TM7SF3: variants seen among roughly 807,000 people sequenced by gnomAD.
The protein encoded by TM7SF3 is transmembrane 7 superfamily member 3.
A neutral mutation model predicts 65.5 loss-of-function variants in TM7SF3; 60 were observed. The ratio of observed to expected loss-of-function variants is 0.92; its 90% CI spans 0.74 to 1.14. The LOEUF is 1.14. TM7SF3 is among the 50% of genes most tolerant of loss of function. The probability of loss-of-function intolerance (pLI) is 0.00; values close to 1 mark genes in which losing one functional copy is unlikely to be tolerated. For missense variants in TM7SF3, 623 were observed against 684.8 expected (o/e 0.91, Z 1.01); for synonymous variants, 264 against 259.6 (o/e 1.02, Z -0.16).
At chr12:27,010,637 T>C (rs1941209931) in intron 1 of TM7SF3, among the ~76,000 whole-genome samples, 1 of 152,222 alleles carries the variant, frequency 6.6e-6, no homozygotes, top group Non-Finnish European at 1.5e-5. Context: ...CATAATTATA[T>C]CTTATGACTT....
intron 1 of TM7SF3, among the ~76,000 whole-genome samples, chr12:27,008,279 T>C (rs1392781528): frequency 2.0e-5 from 3 of 152,190 alleles, no homozygotes; most frequent in African/African-American, 7.2e-5. Context: ...CGCACTTCCC[T>C]AATTACTCAT....
At position 27,014,336 on chromosome 12, in the gene TM7SF3, GCC is replaced by G; in HGVS notation, c.-170_-169del. 1 of 411,650 alleles carries G rather than the reference GCC, an allele frequency of 2.4e-6. No individual in the cohort carries two copies. Among genetic ancestry groups the G allele is most frequent in the Non-Finnish European group, 4.1e-6 (1 of 243,722 alleles). The allele number at this position is 411,650 out of a possible 1,614,324, so 25.5% of individuals were successfully genotyped here. On this transcript the variant is annotated 5_prime_UTR_variant, in exon 1 of 12. Transcript: ENST00000343028. ...GCCAGCTCCGCAGCCGCCGGCGCGCGCCCCGCCGAACTCCTAGCCCCAGCGAG... is the reference window on the plus strand; with the variant it reads ...GCCAGCTCCGCAGCCGCCGGCGCGCGCCGCCGAACTCCTAGCCCCAGCGAG...
chr12:26,985,514 A>G (rs1435139311), intron 6 of TM7SF3, among the ~76,000 whole-genome samples: 5 of 149,246 alleles, frequency 3.4e-5, no homozygotes, highest in Non-Finnish European at 5.9e-5. Context: ...AATCCCAGAT[A>G]CTCTGGAGGC....
In TM7SF3 at chr12:26,973,877, A is replaced by C. The variant is rs141784463; in HGVS notation, c.*88T>G. ...TGCAAAGAACAGATATATATGCCTG[A>C]TCTCTTATTAGACTTGCACCAGAGA... On this transcript the variant is annotated 3_prime_UTR_variant, in exon 12 of 12. Transcript: ENST00000343028. 6.7e-7 allele frequency: 1 copy of C among 1,486,816 alleles called. No individual in the cohort carries two copies. The highest frequency in any genetic ancestry group is 2.3e-5 in the East Asian group (1 of 44,230). 92.1% of individuals were successfully genotyped at this position (1,486,816 alleles called of 1,614,324 possible).
rs1939466625 is a variant in TM7SF3, at chr12:26,974,055, C to T, written c.1623G>A (p.Leu541=). The T allele has an allele frequency of 3.7e-6, 6 of 1,614,168 alleles. No homozygotes were observed. Among genetic ancestry groups the T allele is most frequent in the Middle Eastern group, 3.3e-4 (2 of 6,062 alleles). The change falls in exon 12 of 12, where the codon TTG becomes TTA. Residue 541 remains leucine, a synonymous_variant. Coordinates refer to ENST00000343028, the MANE Select transcript of TM7SF3 (RefSeq NM_016551.3). ...ILDPSYHIPP[L]RERLYGRLTQ... ...TTAATCGGCCATAGAGCCTCTCTCTCAATGGAGGAATGTGGTAGCTAGGGT... is the reference window on the plus strand; with the variant it reads ...TTAATCGGCCATAGAGCCTCTCTCTTAATGGAGGAATGTGGTAGCTAGGGT...
chr12:26,974,371 A>C (rs1464876376), intron 11 of TM7SF3, 144 bp from the exon 12 acceptor site: 1 of 853,950 alleles, frequency 1.2e-6, no homozygotes, highest in Non-Finnish European at 1.7e-6. Flanking sequence ...GTAGTTCCTC[A>C]GTTACAAACC....
intron 6 of TM7SF3, among the ~76,000 whole-genome samples, chr12:26,985,638 A>T (rs1592281697): frequency 3.7e-5 from 2 of 53,394 alleles, no homozygotes; most frequent in Admixed American, 2.1e-4. Context: ...AAAAAAAAAA[A>T]AAAAAAAAAA....
intron 7 of TM7SF3, among the ~76,000 whole-genome samples, chr12:26,981,246 T>A (rs1285587663): frequency 4.6e-5 from 7 of 152,238 alleles, no homozygotes; most frequent in Non-Finnish European, 8.8e-5. Flanking sequence ...GCTCTACCTA[T>A]TTTCTTAAAT....
chr12:27,007,544 A>AG (rs1351711169), intron 1 of TM7SF3, among the ~76,000 whole-genome samples: 16 of 152,228 alleles, frequency 1.1e-4, no homozygotes, highest in Non-Finnish European at 2.1e-4. Flanking sequence ...TAAAAAAAAA[A>AG]CAGAACACTG....
rs1234660886 is a variant in TM7SF3 at position 26,973,136 on chromosome 12, T to G, written c.*829A>C. The G allele has an allele frequency of 6.6e-6, 1 of 151,530 alleles. No homozygotes were observed. Among genetic ancestry groups the G allele is most frequent in the Non-Finnish European group, 1.5e-5 (1 of 67,932 alleles). 9.4% of individuals were successfully genotyped at this position (151,530 alleles called of 1,614,324 possible). ...ATAATGTATGATACTAAGAAGGGCA[T>G]GCAACTAAGTAATCAGACTGCTTTT... On this transcript the variant is annotated 3_prime_UTR_variant, in exon 12 of 12. Coordinates refer to ENST00000343028, the MANE Select transcript of TM7SF3 (RefSeq NM_016551.3).
At chr12:27,004,853 T>C (rs965313307) in intron 1 of TM7SF3, among the ~76,000 whole-genome samples, 2 of 152,150 alleles carry the variant, frequency 1.3e-5, no homozygotes, top group Admixed American at 6.5e-5. Context: ...CAAATGAAGA[T>C]AGCATATTTC....
At chr12:26,990,369 G>T in intron 6 of TM7SF3, 81 bp downstream of exon 6, 1 of 1,057,882 alleles carries the variant, frequency 9.5e-7, no homozygotes, top group Non-Finnish European at 1.4e-6. Context: ...AAAGGTATGT[G>T]TTGAATGAAT....
rs1340267032 is a variant in TM7SF3, at chr12:26,973,062, C to G, written c.*903G>C. On this transcript the variant is annotated 3_prime_UTR_variant, in exon 12 of 12. Transcript: ENST00000343028. ...AAATTTCATGTGTATTTTATCACAA[C>G]TTAAAAATTTTAAAAAATACTGAAA... 1 of 150,524 alleles carries G rather than the reference C, an allele frequency of 6.6e-6. No individual in the cohort carries two copies. 9.3% of individuals were successfully genotyped at this position (150,524 alleles called of 1,614,324 possible).
At chr12:27,013,973 C>G in intron 1 of TM7SF3, 105 bp downstream of exon 1, 1 of 970,996 alleles carries the variant, frequency 1.0e-6, no homozygotes. Context: ...ACCAACGCCC[C>G]CAGCACCATC....
At chr12:27,005,765 G>C (rs1403862512) in intron 1 of TM7SF3, among the ~76,000 whole-genome samples, 3 of 151,878 alleles carry the variant, frequency 2.0e-5, no homozygotes, top group African/African-American at 7.3e-5. Context: ...AAGTAGGGGG[G>C]TATTAAAAGC....
At chr12:26,994,699 G>A (rs921544873) in intron 5 of TM7SF3, among the ~76,000 whole-genome samples, 1 of 152,188 alleles carries the variant, frequency 6.6e-6, no homozygotes, top group African/African-American at 2.4e-5. Flanking sequence ...GTTCCAGGGT[G>A]GAGTTTAAGA....
At chr12:27,002,953 G>A (rs1311482277) in intron 2 of TM7SF3, among the ~76,000 whole-genome samples, 3 of 152,160 alleles carry the variant, frequency 2.0e-5, no homozygotes, top group Admixed American at 6.5e-5. Flanking sequence ...GGGAATTCAC[G>A]AAGAAAACTT....
At chr12:26,981,889 G>A (rs987399317) in intron 7 of TM7SF3, among the ~76,000 whole-genome samples, 1 of 152,164 alleles carries the variant, frequency 6.6e-6, no homozygotes, top group African/African-American at 2.4e-5. Flanking sequence ...TGTTGATGCT[G>A]GCATTCCCTT....
chr12:26,985,392 G>A (rs952296580), intron 6 of TM7SF3, among the ~76,000 whole-genome samples: 27 of 151,682 alleles, frequency 1.8e-4, no homozygotes, highest in African/African-American at 6.3e-4. Flanking sequence ...TTGGGAGGCC[G>A]AGGCGGGCAT....
Sources: allele counts gnomAD v4.1 joint callset (sites outside exome capture counted in the v4.1 genomes callset), GRCh38; gene constraint gnomAD v4.1.1; transcripts MANE v1.5; gene names NCBI Gene and HGNC (gene_info 2026-07-23, HGNC 2026-07-21).